Variants in POT1 observed in about 807,000 individuals in gnomAD.
POT1 encodes the protein protection of telomeres 1.
POT1 carries 47 observed loss-of-function variants against 78.5 expected under a neutral mutation model. The observed-to-expected ratio is 0.60, with a 90% CI of 0.47 to 0.76. The LOEUF is 0.76. POT1 is among the 30% of genes least tolerant of loss of function. The pLI, the probability that POT1 is intolerant of heterozygous loss-of-function variation, is 0.00. For synonymous variants in POT1, 259 were observed against 260.7 expected (o/e 0.99, Z 0.06); for missense variants, 646 against 749.9 (o/e 0.86, Z 1.62).
intron 8 of POT1, among the ~76,000 whole-genome samples, chr7:124,861,948 G>T (rs147980604): frequency 6.6e-6 from 1 of 152,064 alleles, no homozygotes; most frequent in African/African-American, 2.4e-5. Flanking sequence ...CCTCTGTTCC[G>T]TTCCACTGGT....
intron 1 of POT1, 109 bp from the exon 2 acceptor site, chr7:124,929,108 G>A (rs1797345669): frequency 6.6e-6 from 1 of 152,194 alleles, no homozygotes; most frequent in African/African-American, 2.4e-5. Context: ...GTTCGGGGTT[G>A]GGGGGTGACA....
At chr7:124,884,806 T>G (rs1028199723) in intron 6 of POT1, among the ~76,000 whole-genome samples, 1 of 152,222 alleles carries the variant, frequency 6.6e-6, no homozygotes, top group African/African-American at 2.4e-5. Flanking sequence ...AGCCATACAC[T>G]ATTAACAAGT....
At chr7:124,872,643 A>C (rs1306627657) in intron 6 of POT1, among the ~76,000 whole-genome samples, 3 of 152,162 alleles carry the variant, frequency 2.0e-5, no homozygotes, top group African/African-American at 7.2e-5. Context: ...TTTAGGAGAA[A>C]ACAGTATATA....
intron 11 of POT1, among the ~76,000 whole-genome samples, chr7:124,849,737 A>T: frequency 6.6e-6 from 1 of 152,170 alleles, no homozygotes; most frequent in East Asian, 1.9e-4. Context: ...TAAATGAAAA[A>T]TGAAAAAAGC....
rs1475596270 is a variant in POT1 at position 124,822,579 on chromosome 7, CCTTTGTAT to C, written c.*1375_*1382del. 2 of 455,084 alleles carry C rather than the reference CCTTTGTAT, an allele frequency of 4.4e-6. No individual in the cohort carries two copies. The highest frequency in any genetic ancestry group is 4.4e-6 in the Non-Finnish European group (1 of 226,024). The allele number at this position is 455,084 out of a possible 1,614,324, so 28.2% of individuals were successfully genotyped here. ...GAAGGCAGAAAAAATGTTTATTTCA[CCTTTGTAT>C]CCTGAGCACATCATCAACACGGAAA... On this transcript the variant is annotated 3_prime_UTR_variant, in exon 19 of 19. Coordinates refer to ENST00000357628, the MANE Select transcript of POT1 (RefSeq NM_015450.3).
chr7:124,877,740 GGA>G (rs1796022999), intron 6 of POT1, among the ~76,000 whole-genome samples: 1 of 150,616 alleles, frequency 6.6e-6, no homozygotes, highest in African/African-American at 2.4e-5. Context: ...GGCTGAGGCA[GGA>G]GAGTGGCGTG....
At chr7:124,892,169 G>A in intron 6 of POT1, 97 bp downstream of exon 6, 3 of 714,764 alleles carry the variant, frequency 4.2e-6, no homozygotes, top group Non-Finnish European at 4.6e-6. Flanking sequence ...GGTCAGAACT[G>A]AGCTTCTATT....
chr7:124,873,888 AG>A (rs1562998832), intron 6 of POT1, among the ~76,000 whole-genome samples: 1 of 139,150 alleles, frequency 7.2e-6, no homozygotes, highest in East Asian at 1.9e-4. Context: ...AAATAAACAG[AG>A]GAGGCCAAAA....
At chr7:124,835,444 T>C in intron 14 of POT1, 30 bp from the exon 15 acceptor site, 2 of 1,602,500 alleles carry the variant, frequency 1.2e-6, no homozygotes, top group Non-Finnish European at 1.7e-6. Flanking sequence ...ATCCTTCAAG[T>C]AGTGCAAATA....
rs1271004602 is a variant in POT1, at chr7:124,928,888, G to A, written c.-300C>T. 1 of 152,506 alleles carries A rather than the reference G, an allele frequency of 6.6e-6. No individual in the cohort carries two copies. The highest frequency in any genetic ancestry group is 2.4e-5 in the African/African-American group (1 of 41,412). The allele number at this position is 152,506 out of a possible 1,614,324, so 9.4% of individuals were successfully genotyped here. A position where few individuals can be genotyped will look rare whatever the true frequency, so the allele number is the denominator to read the frequency against. ...ATCTACTTTATGTAATTTACTCAGC[G>A]GCTGAACTTCAGGCACCCCATTGAC... On this transcript the variant is annotated 5_prime_UTR_variant, in exon 2 of 19. Coordinates refer to ENST00000357628, the MANE Select transcript of POT1 (RefSeq NM_015450.3).
intron 8 of POT1, among the ~76,000 whole-genome samples, chr7:124,861,869 C>T (rs556154655): frequency 2.0e-4 from 31 of 152,246 alleles, no homozygotes; most frequent in African/African-American, 6.7e-4. Flanking sequence ...GAATCCTTTC[C>T]CCATTGCTTG....
chr7:124,849,247 C>A (rs1432308259), intron 11 of POT1, among the ~76,000 whole-genome samples: 1 of 151,816 alleles, frequency 6.6e-6, no homozygotes, highest in African/African-American at 2.4e-5. Context: ...ATGGCAGAAA[C>A]CATAAAAGTA....
intron 11 of POT1, among the ~76,000 whole-genome samples, chr7:124,849,781 G>C (rs930207893): frequency 6.6e-6 from 1 of 152,092 alleles, no homozygotes; most frequent in Non-Finnish European, 1.5e-5. Context: ...TAATGAATTT[G>C]AGTCATATGA....
At chr7:124,883,706 G>A (rs1050061287) in intron 6 of POT1, among the ~76,000 whole-genome samples, 3 of 151,766 alleles carry the variant, frequency 2.0e-5, no homozygotes, top group Admixed American at 6.6e-5. Context: ...GTCTGTATAC[G>A]TGTATGTGTT....
At chr7:124,901,933 A>G (rs1796631011) in intron 3 of POT1, among the ~76,000 whole-genome samples, 1 of 152,200 alleles carries the variant, frequency 6.6e-6, no homozygotes, top group Non-Finnish European at 1.5e-5. Context: ...TCAGTGACTG[A>G]AGATCAAATG....
chr7:124,882,102 G>T (rs1227611608), intron 6 of POT1, among the ~76,000 whole-genome samples: 1 of 151,918 alleles, frequency 6.6e-6, no homozygotes, highest in East Asian at 1.9e-4. Context: ...AAATTGCCTT[G>T]GAGTTTTATT....
intron 13 of POT1, among the ~76,000 whole-genome samples, 197 bp from the exon 14 acceptor site, chr7:124,841,375 AT>A (rs1348018812): frequency 6.6e-6 from 1 of 151,964 alleles, no homozygotes; most frequent in Non-Finnish European, 1.5e-5. Flanking sequence ...ATTATTTGAT[AT>A]TTTGTGGGTA....
chr7:124,853,643 CCATCTTA>C (rs1226416987), intron 9 of POT1: 1 of 152,128 alleles, frequency 6.6e-6, no homozygotes, highest in Non-Finnish European at 1.5e-5. Context: ...TAAACATCTT[CCATCTTA>C]CAAGTTCTAT....
chr7:124,901,052 G>A (rs1796607255), intron 3 of POT1, among the ~76,000 whole-genome samples: 1 of 152,192 alleles, frequency 6.6e-6, no homozygotes, highest in Non-Finnish European at 1.5e-5. Context: ...GCCTGCCTCT[G>A]TAGATTCCAC....
Sources: allele counts gnomAD v4.1 joint callset (sites outside exome capture counted in the v4.1 genomes callset), GRCh38; gene constraint gnomAD v4.1.1; transcripts MANE v1.5; gene names NCBI Gene and HGNC (gene_info 2026-07-23, HGNC 2026-07-21).